PPP2R5C: variants seen among roughly 807,000 people sequenced by gnomAD.
PPP2R5C encodes serine/threonine-protein phosphatase 2A 56 kDa regulatory subunit gamma isoform.
PPP2R5C carries 7 observed loss-of-function variants against 68.9 expected under a neutral mutation model. The observed-to-expected ratio is 0.10, with a 90% CI of 0.06 to 0.19. PPP2R5C has a LOEUF of 0.19. Among genes scored for constraint, PPP2R5C ranks in the 10% least tolerant of loss-of-function variants. The pLI is 1.00. For synonymous variants in PPP2R5C, 210 were observed against 222.2 expected (o/e 0.95, Z 0.49); for missense variants, 348 against 641.3 (o/e 0.54, Z 4.94).
chr14:101,844,770 A>G (rs544472628), intron 1 of PPP2R5C, among the ~76,000 whole-genome samples: 1 of 152,370 alleles, frequency 6.6e-6, no homozygotes, highest in East Asian at 1.9e-4. Context: ...ATGGAATTGA[A>G]AAGAACTTAT....
chr14:101,889,664 G>C (rs2044734654), intron 5 of PPP2R5C: 1 of 259,600 alleles, frequency 3.9e-6, no homozygotes, highest in African/African-American at 2.3e-5. Context: ...TGTCGCAGAT[G>C]GGTGCTTCAG....
At chr14:101,903,424 C>G (rs1325936741) in intron 9 of PPP2R5C, among the ~76,000 whole-genome samples, 1 of 152,198 alleles carries the variant, frequency 6.6e-6, no homozygotes, top group African/African-American at 2.4e-5. Context: ...TCACAGAAGC[C>G]TTCACGTCCC....
chr14:101,926,008 CTCTG>C (rs1385518973), exon 14 of PPP2R5C: 3 of 152,558 alleles, frequency 2.0e-5, no homozygotes, highest in Middle Eastern at 3.4e-3. Context: ...AAAGAGCTTG[CTCTG>C]TCTACCTTGA....
At position 101,888,677 on chromosome 14, in the gene PPP2R5C, C is replaced by T. The variant is rs1406981879; in HGVS notation, c.630-1560C>T. On this transcript the variant is annotated intron_variant, in intron 5 of 13. Coordinates refer to ENST00000334743, the Ensembl canonical transcript of PPP2R5C. This position sits in a 1 kb window ranked among gnomAD's most constrained non-coding sequence, Gnocchi z 5.6. ...CGCCATCTCAGCTCACTGCAACCTCCATCTTCCAGGTTCAAGTGATCCTCC... is the reference window on the plus strand; with the variant it reads ...CGCCATCTCAGCTCACTGCAACCTCTATCTTCCAGGTTCAAGTGATCCTCC... Among the ~76,000 whole-genome samples the T allele has an allele frequency of 6.6e-6, 1 of 152,190 alleles. No homozygotes were observed. Among genetic ancestry groups the T allele is most frequent in the Non-Finnish European group, 1.5e-5 (1 of 68,028 alleles).
At chr14:101,847,432 C>T (rs1388733343) in intron 1 of PPP2R5C, among the ~76,000 whole-genome samples, 2 of 152,126 alleles carry the variant, frequency 1.3e-5, no homozygotes, top group African/African-American at 4.8e-5. Flanking sequence ...GCCTTCCCAG[C>T]AACTGCAGCC....
At chr14:101,805,182 C>T (rs953084379), upstream of PPP2R5C, among the ~76,000 whole-genome samples, 3 of 152,128 alleles carry the variant, frequency 2.0e-5, no homozygotes, top group Non-Finnish European at 1.5e-5. Context: ...CAGCCTGCCT[C>T]GGCCTCCTGA....
At chr14:101,881,370 A>T (rs539740588) in intron 2 of PPP2R5C, among the ~76,000 whole-genome samples, 1 of 152,328 alleles carries the variant, frequency 6.6e-6, no homozygotes, top group African/African-American at 2.4e-5. Context: ...ACTACACTCC[A>T]ACCTGGGCCG....
chr14:101,770,532 A>G (rs2037089765), intron 2 of PPP2R5C, among the ~76,000 whole-genome samples: 1 of 152,234 alleles, frequency 6.6e-6, no homozygotes, highest in Admixed American at 6.5e-5. Flanking sequence ...GATGCTTTAA[A>G]GCGTCTAGGG....
At chr14:101,784,494 GGAGA>G (rs916059933) in intron 2 of PPP2R5C, among the ~76,000 whole-genome samples, 1 of 150,206 alleles carries the variant, frequency 6.7e-6, no homozygotes, top group African/African-American at 2.5e-5. Flanking sequence ...CACGGCAGCA[GGAGA>G]GAGAGAGAAA....
chr14:101,779,621 GA>G lies in PPP2R5C; in HGVS notation c.94-6396del, dbSNP rs553884279. 1.1e-4 allele frequency among the ~76,000 whole-genome samples: 16 copies of G among 152,224 alleles called. No homozygotes were observed. The East Asian group carries it at 2.9e-3, about 28-fold the overall frequency. ...GAGACTCATCTCTCCCATACATTGA[GA>G]GATGAGTCCTGGAAAAATAAGTGTG... On this transcript the variant is annotated intron_variant, in intron 2 of 14. Coordinates refer to the PPP2R5C transcript ENST00000328724.
chr14:101,856,900 T>C lies in PPP2R5C; in HGVS notation c.294+15T>C. ...TAGTCCATATGGTAAGTGATTACAG[T>C]TTAACCAGTGTGTCCCAGTTCTGAT... On this transcript the variant is annotated intron_variant, in intron 2 of 13. Transcript: ENST00000334743. The C allele has an allele frequency of 6.2e-7, 1 of 1,608,512 alleles. No homozygotes were observed. The highest frequency in any genetic ancestry group is 8.5e-7 in the Non-Finnish European group (1 of 1,175,430).
intron 1 of PPP2R5C, among the ~76,000 whole-genome samples, chr14:101,833,231 G>A (rs1455132559): frequency 1.3e-5 from 2 of 152,240 alleles, no homozygotes; most frequent in African/African-American, 4.8e-5. Context: ...GCCTAGGTCC[G>A]CCCCTCGGCC....
intron 13 of PPP2R5C, among the ~76,000 whole-genome samples, chr14:101,920,264 G>A (rs1032689857): frequency 7.2e-5 from 11 of 152,292 alleles, no homozygotes; most frequent in East Asian, 5.8e-4. Flanking sequence ...GCCCCAGAAC[G>A]TCCAACTGCT....
At chr14:101,776,946 T>C (rs1229395751) in intron 2 of PPP2R5C, among the ~76,000 whole-genome samples, 1 of 150,662 alleles carries the variant, frequency 6.6e-6, no homozygotes, top group African/African-American at 2.5e-5. Flanking sequence ...AATGGCGTGA[T>C]CTCGGCTCAC....
rs1379677094 is a variant in PPP2R5C, at chr14:101,822,087, CCCA to C, written c.94+12053_94+12055del. On this transcript the variant is annotated intron_variant, in intron 1 of 13. Transcript: ENST00000334743. ...CACCACCACCACCCCCTGCCCCCCC[CCCA>C]CACACACACATCCCTTGCTAAATTA... 1.3e-3 allele frequency among the ~76,000 whole-genome samples: 177 copies of C among 138,056 alleles called. 1 individual carries two copies. Among genetic ancestry groups the C allele is most frequent in the Admixed American group, 2.1e-3 (30 of 14,198 alleles). The allele number at this position is 138,056 out of a possible 152,430, so 90.6% of individuals were successfully genotyped here.
chr14:101,795,263 C>T (rs917235047), intron 3 of PPP2R5C, among the ~76,000 whole-genome samples: 10 of 152,342 alleles, frequency 6.6e-5, no homozygotes, highest in African/African-American at 2.4e-4. Context: ...ATATTGTCTA[C>T]ACACTTTCCA....
chr14:101,776,758 C>T (rs910657723), intron 2 of PPP2R5C, among the ~76,000 whole-genome samples: 7 of 152,160 alleles, frequency 4.6e-5, no homozygotes, highest in African/African-American at 1.7e-4. Flanking sequence ...GTAGATGTGC[C>T]GATTCTGAAT....
upstream of PPP2R5C, among the ~76,000 whole-genome samples, chr14:101,761,528 G>A (rs916398358): frequency 8.1e-5 from 12 of 148,426 alleles, no homozygotes; most frequent in Non-Finnish European, 1.5e-4. Flanking sequence ...AGGGTACGTG[G>A]GGGCGCGTCG....
chr14:101,882,521 G>A lies in PPP2R5C; in HGVS notation c.405+250G>A, dbSNP rs2140896685. 3.0e-6 allele frequency: 1 copy of A among 337,930 alleles called. No homozygotes were observed. The highest frequency in any genetic ancestry group is 9.1e-5 in the South Asian group (1 of 11,012). 20.9% of individuals were successfully genotyped at this position (337,930 alleles called of 1,614,324 possible). On this transcript the variant is annotated intron_variant, in intron 3 of 13. Transcript: ENST00000334743. The surrounding 1 kb of genome is among the most constrained non-coding windows in gnomAD (Gnocchi z 4.9). ...TCTCAGTGAAGATGGCCGCTGTGTT[G>A]ATGGCCGTTGAATTGAATTCAGGCC...
Sources: gnomAD v4.1 joint callset for allele counts (sites outside exome capture counted in the v4.1 genomes callset) on GRCh38, gnomAD v4.1.1 for gene constraint, Gnocchi (gnomAD v3.1) non-coding constraint, MANE v1.5 for transcripts, NCBI Gene and HGNC (gene_info 2026-07-23, HGNC 2026-07-21) for gene names.